Variants in AKT3 observed in about 807,000 individuals in gnomAD.
AKT3 encodes RAC-gamma serine/threonine-protein kinase.
In AKT3, 15 loss-of-function variants were observed where a neutral mutation model predicts 65.3. That is an observed-to-expected ratio of 0.23 (90% confidence interval 0.15 to 0.35). The LOEUF (loss-of-function observed/expected upper bound fraction) is 0.35, where lower values mean the gene tolerates loss of function less well. Ranked by LOEUF, AKT3 falls within the 10% of genes least tolerant of loss-of-function variation. AKT3 has a pLI of 1.00. For missense variants in AKT3, 243 were observed against 576.5 expected, an observed-to-expected ratio of 0.42 and a Z score of 5.92; for synonymous variants, 206 against 183.8, an observed-to-expected ratio of 1.12 and a Z score of -0.98.
At chr1:243,668,410 G>C (rs965662663) in intron 3 of AKT3, among the ~76,000 whole-genome samples, 1 of 152,154 alleles carries the variant, frequency 6.6e-6, no homozygotes, top group Non-Finnish European at 1.5e-5. Context: ...GCAAGTAAAA[G>C]CTGGTAGAAA....
At chr1:243,579,092 T>C (rs538956539) in intron 8 of AKT3, among the ~76,000 whole-genome samples, 1 of 152,300 alleles carries the variant, frequency 6.6e-6, no homozygotes, top group South Asian at 2.1e-4. Flanking sequence ...TTTTACCACT[T>C]GGGTCAAGGG....
At chr1:243,842,237 T>G (rs1407320055) in intron 2 of AKT3, among the ~76,000 whole-genome samples, 2 of 152,172 alleles carry the variant, frequency 1.3e-5, no homozygotes, top group Non-Finnish European at 2.9e-5. Context: ...GATAGGTATT[T>G]ACTACAGACC....
At chr1:243,680,517 C>T (rs1683835590) in intron 3 of AKT3, among the ~76,000 whole-genome samples, 1 of 151,934 alleles carries the variant, frequency 6.6e-6, no homozygotes, top group Non-Finnish European at 1.5e-5. Context: ...TCCTAAATTC[C>T]AAGGCTTAAA....
intron 2 of AKT3, among the ~76,000 whole-genome samples, chr1:243,786,017 G>A (rs904550740): frequency 1.2e-4 from 18 of 151,290 alleles, no homozygotes; most frequent in Admixed American, 1.1e-3. Flanking sequence ...TGAGCTTCAA[G>A]GTAAATACCT....
chr1:243,707,881 G>C (rs1177312049), intron 2 of AKT3, among the ~76,000 whole-genome samples: 1 of 151,892 alleles, frequency 6.6e-6, no homozygotes, highest in Non-Finnish European at 1.5e-5. Flanking sequence ...TTTATACATA[G>C]CCACTGCATA....
chr1:243,796,307 G>A (rs1022565052), intron 2 of AKT3, among the ~76,000 whole-genome samples: 1 of 152,196 alleles, frequency 6.6e-6, no homozygotes, highest in Non-Finnish European at 1.5e-5. Context: ...GAGCTCTTTT[G>A]AAATCAGCTA....
At chr1:243,800,888 T>C (rs1327885504) in intron 2 of AKT3, among the ~76,000 whole-genome samples, 1 of 152,154 alleles carries the variant, frequency 6.6e-6, no homozygotes, top group Admixed American at 6.5e-5. Flanking sequence ...ATTAACCTAA[T>C]AATGTTCAGT....
intron 2 of AKT3, among the ~76,000 whole-genome samples, chr1:243,821,256 G>A (rs915880742): frequency 3.9e-5 from 6 of 152,030 alleles, no homozygotes; most frequent in Non-Finnish European, 7.4e-5. Context: ...CCACTATCAG[G>A]CCTGCTTTGC....
chr1:243,514,409 G>A (rs1247849198), intron 12 of AKT3, among the ~76,000 whole-genome samples: 2 of 152,160 alleles, frequency 1.3e-5, no homozygotes, highest in South Asian at 2.1e-4. Context: ...CAAATGCCAC[G>A]TGTACTGAGG....
chr1:243,843,161 C>T lies in AKT3; in HGVS notation c.10G>A (p.Val4Ile). The T allele has an allele frequency of 1.2e-6, 2 of 1,613,892 alleles. No homozygotes were observed. Among genetic ancestry groups the T allele is most frequent in the East Asian group, 2.2e-5 (1 of 44,868 alleles). Reference sequence around the variant, plus strand: ...ACCCAACCTTCTTTCACAATGGTAACATCGCTCATGATGACTCCCCTCTGA... The same window carrying T: ...ACCCAACCTTCTTTCACAATGGTAATATCGCTCATGATGACTCCCCTCTGA... MSD[V>I]TIVKEGWVQK... is the part of the protein sequence containing the mutation. The change falls in exon 2 of 14, where the codon GTT becomes ATT. Residue 4 changes from valine to isoleucine, a missense_variant. This residue lies in a region of AKT3 where 29 missense variants were observed against 91.3 expected (regional missense o/e 0.32). Coordinates refer to ENST00000673466, the MANE Select transcript of AKT3 (RefSeq NM_005465.7).
At chr1:243,628,186 T>C (rs1679327693) in intron 6 of AKT3, among the ~76,000 whole-genome samples, 1 of 152,180 alleles carries the variant, frequency 6.6e-6, no homozygotes, top group African/African-American at 2.4e-5. Flanking sequence ...AAAATATCCA[T>C]GTCTTGGGTA....
chr1:243,829,491 A>C (rs1222589342), intron 2 of AKT3, among the ~76,000 whole-genome samples: 1 of 152,180 alleles, frequency 6.6e-6, no homozygotes, highest in Non-Finnish European at 1.5e-5. Flanking sequence ...TCACAACAAA[A>C]AAGATTAATC....
intron 13 of AKT3, among the ~76,000 whole-genome samples, chr1:243,492,055 G>A (rs959355384): frequency 6.6e-6 from 1 of 152,052 alleles, no homozygotes; most frequent in African/African-American, 2.4e-5. Flanking sequence ...TGGGGCTCAG[G>A]CTGGCCTGTG....
At chr1:243,641,336 T>A (rs1019756782) in intron 5 of AKT3, among the ~76,000 whole-genome samples, 15 of 149,798 alleles carry the variant, frequency 1.0e-4, no homozygotes, top group Non-Finnish European at 1.9e-4. Context: ...ATATATATAT[T>A]ATTAATTCTG....
In AKT3 at chr1:243,785,074, T is replaced by C. The variant is rs562542796; in HGVS notation, c.46+58051A>G. ...CACTGTCCAACTCAATTTTTTTTTT[T>C]TTTTTTTTGAGATGGAGTCTTGCTT... is the stretch of plus-strand genomic sequence containing the variant. On this transcript the variant is annotated intron_variant, in intron 2 of 13. Coordinates refer to ENST00000673466, the MANE Select transcript of AKT3 (RefSeq NM_005465.7). Among the ~76,000 whole-genome samples the C allele has an allele frequency of 3.7e-3, 556 of 150,596 alleles. 2 individuals carry two copies. Among genetic ancestry groups the C allele is most frequent in the Admixed American group, 6.1e-3 (93 of 15,138 alleles).
intron 13 of AKT3, among the ~76,000 whole-genome samples, chr1:243,489,946 G>A (rs975908721): frequency 3.9e-5 from 6 of 152,176 alleles, no homozygotes; most frequent in Admixed American, 1.3e-4. Context: ...GAGAGGCTGT[G>A]CATTTTGCCC....
At chr1:243,526,697 T>C (rs936259181) in intron 12 of AKT3, among the ~76,000 whole-genome samples, 2 of 139,982 alleles carry the variant, frequency 1.4e-5, no homozygotes, top group Admixed American at 8.0e-5. Context: ...AGTAAAAATA[T>C]CCTTTAAGAA....
At chr1:243,533,166 C>T (rs1671661567) in intron 12 of AKT3, among the ~76,000 whole-genome samples, 1 of 152,096 alleles carries the variant, frequency 6.6e-6, no homozygotes, top group South Asian at 2.1e-4. Context: ...GTAATCTTTA[C>T]ACCAATAAAT....
chr1:243,666,862 T>C (rs150800635), intron 3 of AKT3, among the ~76,000 whole-genome samples: 6 of 152,222 alleles, frequency 3.9e-5, no homozygotes, highest in Non-Finnish European at 7.4e-5. Flanking sequence ...ATATTACACA[T>C]AGATGGGTGT....
Sources: gnomAD v4.1 joint callset for allele counts (sites outside exome capture counted in the v4.1 genomes callset) on GRCh38, gnomAD v4.1.1 for gene constraint, gnomAD v4.1.1 regional missense constraint, MANE v1.5 for transcripts, NCBI Gene and HGNC (gene_info 2026-07-23, HGNC 2026-07-21) for gene names.